Variants in EHMT1 observed in about 807,000 individuals in gnomAD.
EHMT1 encodes histone-lysine N-methyltransferase EHMT1.
A neutral mutation model predicts 147.2 loss-of-function variants in EHMT1; 15 were observed. That is an observed-to-expected ratio of 0.10 (90% CI 0.07 to 0.16). The LOEUF is 0.16. Ranked by LOEUF, EHMT1 falls within the 10% of genes least tolerant of loss-of-function variation. EHMT1 has a pLI of 1.00. For missense variants in EHMT1, 1,587 were observed against 1,772.4 expected, an observed-to-expected ratio of 0.90 and a Z score of 1.88; for synonymous variants, 795 against 709.6, an observed-to-expected ratio of 1.12 and a Z score of -1.91.
chr9:137,754,645 T>C (rs962264661), intron 8 of EHMT1, among the ~76,000 whole-genome samples: 1 of 152,118 alleles, frequency 6.6e-6, no homozygotes, highest in Non-Finnish European at 1.5e-5. Flanking sequence ...CCCAAGAAGC[T>C]GGGACTATAG....
At chr9:137,798,606 C>G (rs1953162097) in intron 16 of EHMT1, among the ~76,000 whole-genome samples, 1 of 152,206 alleles carries the variant, frequency 6.6e-6, no homozygotes, top group African/African-American at 2.4e-5. Flanking sequence ...TGCCAGGCGA[C>G]TGACCACTCA....
chr9:137,734,934 A>C (rs994819287), intron 4 of EHMT1, among the ~76,000 whole-genome samples: 5 of 152,262 alleles, frequency 3.3e-5, no homozygotes, highest in African/African-American at 1.2e-4. Context: ...CTGGACCTGC[A>C]AGAAATACTT....
At chr9:137,677,910 G>GA (rs527549382) in intron 1 of EHMT1, among the ~76,000 whole-genome samples, 26,018 of 140,062 alleles carry the variant, frequency 0.19, 2,905 homozygotes, top group African/African-American at 0.33. Flanking sequence ...TACAAAAAAA[G>GA]AAAAAAAAAA....
intron 25 of EHMT1, among the ~76,000 whole-genome samples, chr9:137,833,230 C>T (rs969541379): frequency 1.3e-5 from 2 of 152,232 alleles, no homozygotes; most frequent in Non-Finnish European, 2.9e-5. Flanking sequence ...CAGGCCCCGC[C>T]CTCTCGGAAC....
intron 1 of EHMT1, among the ~76,000 whole-genome samples, chr9:137,698,311 A>G (rs1045113873): frequency 2.6e-5 from 4 of 152,374 alleles, no homozygotes; most frequent in Middle Eastern, 3.4e-3. Flanking sequence ...ATGTAGATGT[A>G]TTATTGTAGA....
chr9:137,708,337 A>C (rs752168155), intron 1 of EHMT1, among the ~76,000 whole-genome samples: 1 of 152,232 alleles, frequency 6.6e-6, no homozygotes, highest in Non-Finnish European at 1.5e-5. Flanking sequence ...TTTTCAGATA[A>C]TTGCAGCTAT....
intron 17 of EHMT1, among the ~76,000 whole-genome samples, chr9:137,799,821 C>T (rs548700874): frequency 6.6e-6 from 1 of 152,370 alleles, no homozygotes; most frequent in East Asian, 1.9e-4. Flanking sequence ...ATACTCTCGC[C>T]TTTGCCCTGA....
At chr9:137,646,235 T>C (rs9410114) in intron 1 of EHMT1, 88,914 of 561,346 alleles carry the variant, frequency 0.16, 8,778 homozygotes, top group African/African-American at 0.36. Context: ...GTTGGGATTA[T>C]AGGTGTGAGC....
chr9:137,686,426 G>T (rs1333281849), intron 1 of EHMT1, among the ~76,000 whole-genome samples: 1 of 152,040 alleles, frequency 6.6e-6, no homozygotes, highest in Admixed American at 6.6e-5. Context: ...GTCTCGCTCA[G>T]TCACCTAGGC....
In EHMT1 at chr9:137,811,642, G is replaced by A. The variant is rs1327837378; in HGVS notation, c.2867+27G>A. 3 of 1,598,994 alleles carry A rather than the reference G, an allele frequency of 1.9e-6. No homozygotes were observed. The Admixed American group carries it at 5.0e-5, about 27-fold the overall frequency. On this transcript the variant is annotated intron_variant, in intron 19 of 26. Transcript: ENST00000460843. ...TGAGTGCAGTGCTTCCCCCAGCGCGGGCTGGCGCTGACCTGACCTGGGCGC... is the reference window on the plus strand; with the variant it reads ...TGAGTGCAGTGCTTCCCCCAGCGCGAGCTGGCGCTGACCTGACCTGGGCGC...
At chr9:137,651,598 G>A (rs890245338) in intron 1 of EHMT1, among the ~76,000 whole-genome samples, 3 of 152,104 alleles carry the variant, frequency 2.0e-5, no homozygotes, top group Admixed American at 2.0e-4. Flanking sequence ...GACCAGCCTG[G>A]CTAACATGGT....
chr9:137,716,597 G>C (rs1431290088), intron 2 of EHMT1, 29 bp from the exon 3 acceptor site: 1 of 1,538,252 alleles, frequency 6.5e-7, no homozygotes, highest in Non-Finnish European at 8.8e-7. Context: ...GTGGCCTGCA[G>C]TCAGTGACAC....
intron 4 of EHMT1, among the ~76,000 whole-genome samples, chr9:137,733,805 A>G (rs1051233842): frequency 6.6e-6 from 1 of 152,176 alleles, no homozygotes; most frequent in African/African-American, 2.4e-5. Context: ...AAAGACTAGG[A>G]TATTCAGAAG....
At chr9:137,809,003 G>A (rs1428560426) in intron 18 of EHMT1, among the ~76,000 whole-genome samples, 2 of 152,186 alleles carry the variant, frequency 1.3e-5, no homozygotes, top group Non-Finnish European at 2.9e-5. Context: ...AGGCCCCTAA[G>A]CAAGCAGCCT....
chr9:137,791,643 A>G lies in EHMT1; in HGVS notation c.2505+673A>G, dbSNP rs187947015. ...ACCTGAATAAATAGAAAGACATCCC[A>G]TGTTCACAGATGAGAAGACTGAATG... On this transcript the variant is annotated intron_variant, in intron 16 of 26. Transcript: ENST00000460843. Among the ~76,000 whole-genome samples the G allele has an allele frequency of 8.5e-5, 13 of 152,336 alleles. 1 individual carries two copies. The highest frequency in any genetic ancestry group is 3.3e-4 in the Admixed American group (5 of 15,306).
intron 1 of EHMT1, among the ~76,000 whole-genome samples, chr9:137,642,716 T>C (rs969496598): frequency 1.3e-5 from 2 of 152,272 alleles, no homozygotes; most frequent in African/African-American, 4.8e-5. Flanking sequence ...TACATTACAC[T>C]GTGTGCCCAT....
chr9:137,643,343 T>TG (rs1844635325), intron 1 of EHMT1, among the ~76,000 whole-genome samples: 1 of 147,824 alleles, frequency 6.8e-6, no homozygotes, highest in African/African-American at 2.5e-5. Context: ...AAAGGTTTTT[T>TG]TTTTTTTTTT....
intron 13 of EHMT1, 27 bp downstream of exon 13, chr9:137,778,082 A>C: frequency 6.2e-7 from 1 of 1,613,592 alleles, no homozygotes; most frequent in Non-Finnish European, 8.5e-7. Context: ...GATTTCAGAG[A>C]TGTCTCAGAG....
Position 137,758,352 on chromosome 9 carries a change from T to C in EHMT1, c.1501+341T>C, listed in dbSNP as rs186572237. 1.6e-4 allele frequency among the ~76,000 whole-genome samples: 25 copies of C among 152,338 alleles called. No homozygotes were observed. The East Asian group carries it at 4.6e-3, about 28-fold the overall frequency. Reference sequence around the variant, plus strand: ...TGGCATCTCAGGACACACGGGGACGTACTGTTGAATAAGGTGTCTCTGATT... The same window carrying C: ...TGGCATCTCAGGACACACGGGGACGCACTGTTGAATAAGGTGTCTCTGATT... On this transcript the variant is annotated intron_variant, in intron 9 of 26. Transcript: ENST00000460843.
Sources: gnomAD v4.1 joint callset for allele counts (sites outside exome capture counted in the v4.1 genomes callset) on GRCh38, gnomAD v4.1.1 for gene constraint, MANE v1.5 for transcripts, NCBI Gene and HGNC (gene_info 2026-07-23, HGNC 2026-07-21) for gene names.